The following NIN variants were observed in gnomAD, a reference collection of about 807,000 sequenced individuals.
The protein encoded by NIN is ninein, also known as glycogen synthase kinase 3 beta-interacting protein.
Under a neutral mutation model 257.6 loss-of-function variants are expected in NIN, and 137 were observed. That is an observed-to-expected ratio of 0.53 (90% confidence interval 0.46 to 0.61). The LOEUF is 0.61. NIN is among the 20% of genes least tolerant of loss of function. NIN has a pLI of 0.00. For synonymous variants in NIN, 918 were observed against 919.8 expected (o/e 1.00, Z 0.04); for missense variants, 2,439 against 2,501.2 (o/e 0.98, Z 0.53).
chr14:50,798,312 G>A (rs939747980), intron 4 of NIN, among the ~76,000 whole-genome samples: 1 of 152,180 alleles, frequency 6.6e-6, no homozygotes, highest in Non-Finnish European at 1.5e-5. Context: ...TTAGCCACCT[G>A]AATGATGCTT....
In NIN at chr14:50,741,633, T is replaced by G. The variant is rs2041289114; in HGVS notation, c.5397A>C (p.Leu1799Phe). The G allele has an allele frequency of 1.9e-6, 3 of 1,614,182 alleles. No individual in the cohort carries two copies. In the South Asian group the frequency reaches 3.3e-5, roughly 18 times the overall value. ...TATGTAAAGACATCACTTCTTGTTT[T>G]AAAGCCTCCTTTTCCTGCTGAGTCA... Reference protein sequence around the residue: ...LRVTQQEKEALKQEVMSLHKQ... With the variant: ...LRVTQQEKEAFKQEVMSLHKQ... The change falls in exon 25 of 31, where the codon TTA becomes TTC. Residue 1799 changes from leucine (L) to phenylalanine (F), a missense_variant. Physicochemically the swap from Leu to Phe is conservative, Grantham distance 22 (BLOSUM62 0). Transcript: ENST00000530997.
At chr14:50,756,138 AAAGT>A (rs2042015639) in intron 18 of NIN, among the ~76,000 whole-genome samples, 1 of 139,250 alleles carries the variant, frequency 7.2e-6, no homozygotes, top group South Asian at 2.3e-4. Flanking sequence ...CAAAATGAGG[AAAGT>A]AACACTTAGC....
At chr14:50,806,919 C>T (rs113560806) in intron 3 of NIN, 101 bp from the exon 4 acceptor site, 1 of 550,636 alleles carries the variant, frequency 1.8e-6, no homozygotes, top group Non-Finnish European at 3.1e-6. Context: ...TCCTGACAGC[C>T]TTGAAGTGAG....
chr14:50,741,753 C>A (rs745883727), intron 24 of NIN, 25 bp from the exon 25 acceptor site: 1 of 1,609,352 alleles, frequency 6.2e-7, no homozygotes, highest in Non-Finnish European at 8.5e-7. Context: ...TGATCTTTTA[C>A]TGCTACACAA....
intron 24 of NIN, chr14:50,742,301 CCTGGA>C (rs1566792120): frequency 6.6e-6 from 1 of 151,936 alleles, no homozygotes; most frequent in African/African-American, 2.4e-5. Flanking sequence ...GTCCCAACTA[CCTGGA>C]AGGCTGAGGT....
chr14:50,830,380 T>A (rs1257658780), intron 2 of NIN, 84 bp downstream of exon 2: 1 of 166,454 alleles, frequency 6.0e-6, no homozygotes, highest in Non-Finnish European at 1.5e-5. Flanking sequence ...TCAACTCGCC[T>A]GCCCATCGCC....
intron 5 of NIN, among the ~76,000 whole-genome samples, chr14:50,789,522 G>C (rs1159760310): frequency 6.6e-6 from 1 of 152,212 alleles, no homozygotes; most frequent in African/African-American, 2.4e-5. Flanking sequence ...AACGAGCCGA[G>C]GTTGCGCCAC....
chr14:50,806,862 T>G, intron 3 of NIN, 44 bp from the exon 4 acceptor site: 7 of 978,634 alleles, frequency 7.2e-6, no homozygotes, highest in African/African-American at 1.6e-5. Flanking sequence ...TCCACAGCTC[T>G]AAGAATGCAA....
intron 3 of NIN, among the ~76,000 whole-genome samples, chr14:50,817,224 C>T (rs1026379735): frequency 2.6e-5 from 4 of 152,208 alleles, no homozygotes; most frequent in African/African-American, 9.7e-5. Flanking sequence ...ACAACCCCAT[C>T]AGCAGCACCA....
chr14:50,779,783 AG>A (rs1249409281), intron 5 of NIN, among the ~76,000 whole-genome samples: 2 of 152,038 alleles, frequency 1.3e-5, no homozygotes, highest in African/African-American at 4.8e-5. Context: ...AAAGAAAAGA[AG>A]GGGGGCAGTT....
chr14:50,824,364 T>C (rs1011970895), intron 2 of NIN, among the ~76,000 whole-genome samples: 3 of 152,170 alleles, frequency 2.0e-5, no homozygotes, highest in African/African-American at 7.2e-5. Context: ...ATGGCAGCTT[T>C]CTTTTCTTTA....
rs1450783303 is a variant in NIN at position 50,794,455 on chromosome 14, T to A, written c.266-1574A>T. The A allele has an allele frequency of 3.0e-6, 3 of 995,728 alleles. No homozygotes were observed. The African/African-American group carries it at 5.2e-5, about 17-fold the overall frequency. 61.7% of individuals were successfully genotyped at this position (995,728 alleles called of 1,614,324 possible). ...AGGTACCTTTTATCAGAAGACAGTG[T>A]GTCAGCTTGTGACCATTCAGGAGCG... is the stretch of plus-strand genomic sequence containing the variant. On this transcript the variant is annotated intron_variant, in intron 4 of 30. Transcript: ENST00000530997.
intron 26 of NIN, 126 bp downstream of exon 26, chr14:50,739,182 T>A: frequency 1.4e-6 from 1 of 712,692 alleles, no homozygotes. Flanking sequence ...ATTCTTAAAA[T>A]AAGTCTGCTA....
At chr14:50,747,938 G>T in intron 22 of NIN, 54 bp downstream of exon 22, 2 of 1,167,166 alleles carry the variant, frequency 1.7e-6, no homozygotes, top group Non-Finnish European at 2.6e-6. Flanking sequence ...CCCAACAGGA[G>T]CCCACCAGGT....
chr14:50,747,771 C>T (rs932009799), intron 22 of NIN, among the ~76,000 whole-genome samples: 3 of 151,046 alleles, frequency 2.0e-5, no homozygotes, highest in African/African-American at 7.3e-5. Context: ...TTAGAGTGTA[C>T]AACATATATA....
chr14:50,757,761 C>A lies in NIN; in HGVS notation c.3269G>T (p.Arg1090Ile), dbSNP rs145736568. ...TAACTTTTGTAGCCTCTGTTGCAATCTAGAAATTTCAGTAGCCATTTTCAC... is the reference window on the plus strand; with the variant it reads ...TAACTTTTGTAGCCTCTGTTGCAATATAGAAATTTCAGTAGCCATTTTCAC... ...ENVKMATEIS[R>I]LQQRLQKLEP... Residue 1090 changes from arginine (R) to isoleucine (I), a missense_variant, in exon 18 of 31, where the codon AGA becomes ATA. Physicochemically the swap from Arg to Ile is moderately conservative, Grantham distance 97 (BLOSUM62 -3). Coordinates refer to ENST00000530997, the MANE Select transcript of NIN (RefSeq NM_020921.4). 6.2e-7 allele frequency: 1 copy of A among 1,614,188 alleles called. No homozygotes were observed. The highest frequency in any genetic ancestry group is 8.5e-7 in the Non-Finnish European group (1 of 1,180,044).
At chr14:50,779,422 C>T (rs956490334) in intron 5 of NIN, among the ~76,000 whole-genome samples, 1 of 152,216 alleles carries the variant, frequency 6.6e-6, no homozygotes, top group East Asian at 1.9e-4. Context: ...GAAGCAATGT[C>T]TAAACTGAGA....
Position 50,723,256 on chromosome 14 carries a change from CTT to C in NIN, c.*205_*206del. 9.6e-6 allele frequency: 4 copies of C among 417,962 alleles called. No homozygotes were observed. In the South Asian group the frequency reaches 2.9e-4, roughly 31 times the overall value. The allele number at this position is 417,962 out of a possible 1,614,324, so 25.9% of individuals were successfully genotyped here. A position where few individuals can be genotyped will look rare whatever the true frequency, so the allele number is the denominator to read the frequency against. ...TTAAAATTTTAAAATAAATTCAAAT[CTT>C]GGGAATAATTTAAGTAGTGAAATAT... is the stretch of plus-strand genomic sequence containing the variant. On this transcript the variant is annotated 3_prime_UTR_variant, in exon 31 of 31. Coordinates refer to ENST00000530997, the MANE Select transcript of NIN (RefSeq NM_020921.4).
chr14:50,770,614 G>A (rs376168839), intron 11 of NIN, 52 bp from the exon 12 acceptor site: 29 of 1,582,590 alleles, frequency 1.8e-5, no homozygotes, highest in South Asian at 6.8e-5. Flanking sequence ...AGAGGTCCCA[G>A]TATCAATCTA....
Sources: gnomAD v4.1 joint callset for allele counts (sites outside exome capture counted in the v4.1 genomes callset) on GRCh38, gnomAD v4.1.1 for gene constraint, MANE v1.5 for transcripts, NCBI Gene and HGNC (gene_info 2026-07-23, HGNC 2026-07-21) for gene names.